Variants in GNAQ observed in about 807,000 individuals in gnomAD.
GNAQ encodes guanine nucleotide-binding protein G(q) subunit alpha.
Under a neutral mutation model 43.9 loss-of-function variants are expected in GNAQ, and 8 were observed. The ratio of observed to expected loss-of-function variants is 0.18; its 90% CI spans 0.11 to 0.33. The LOEUF is 0.33. GNAQ is among the 10% of genes least tolerant of loss of function. The probability of loss-of-function intolerance (pLI) is 1.00; values close to 1 mark genes in which losing one functional copy is unlikely to be tolerated. For missense variants in GNAQ, 158 were observed against 450.8 expected, an observed-to-expected ratio of 0.35 and a Z score of 5.88; for synonymous variants, 155 against 170.7, an observed-to-expected ratio of 0.91 and a Z score of 0.71.
chr9:77,808,736 G>A (rs572470189), intron 3 of GNAQ, among the ~76,000 whole-genome samples: 9 of 152,176 alleles, frequency 5.9e-5, no homozygotes, highest in East Asian at 1.9e-4. Flanking sequence ...CTATGTCTGA[G>A]GAAAGTGACG....
intron 5 of GNAQ, among the ~76,000 whole-genome samples, chr9:77,759,184 G>A (rs1176824821): frequency 1.3e-5 from 2 of 152,120 alleles, no homozygotes; most frequent in African/African-American, 2.4e-5. Flanking sequence ...AACCATCCTG[G>A]CAAATTGTGA....
chr9:77,735,469 A>C (rs1825563314), intron 5 of GNAQ, among the ~76,000 whole-genome samples: 1 of 152,212 alleles, frequency 6.6e-6, no homozygotes, highest in Admixed American at 6.5e-5. Flanking sequence ...AAATAAATGC[A>C]ACAACCCAGA....
chr9:77,824,488 T>C (rs1361298450), intron 2 of GNAQ, among the ~76,000 whole-genome samples: 1 of 152,204 alleles, frequency 6.6e-6, no homozygotes, highest in Non-Finnish European at 1.5e-5. Context: ...AAATAGATTA[T>C]TGCAGCTTGT....
At chr9:77,728,329 G>A (rs2118216505) in intron 6 of GNAQ, among the ~76,000 whole-genome samples, 185 bp downstream of exon 6, 1 of 152,274 alleles carries the variant, frequency 6.6e-6, no homozygotes, top group South Asian at 2.1e-4. Context: ...GCATTGTTAA[G>A]GAATGCAATG....
intron 5 of GNAQ, among the ~76,000 whole-genome samples, chr9:77,733,994 T>G (rs1175677966): frequency 1.3e-5 from 2 of 152,196 alleles, no homozygotes; most frequent in African/African-American, 4.8e-5. Context: ...AAGCTAGCTT[T>G]CTTCAGGCTA....
At chr9:77,812,973 C>T (rs545239062) in intron 3 of GNAQ, among the ~76,000 whole-genome samples, 1 of 151,934 alleles carries the variant, frequency 6.6e-6, no homozygotes, top group East Asian at 1.9e-4. Flanking sequence ...CATGATTGAT[C>T]TCGATCTTGG....
chr9:77,871,192 T>C (rs1828034546), intron 2 of GNAQ, among the ~76,000 whole-genome samples: 1 of 152,228 alleles, frequency 6.6e-6, no homozygotes, highest in Admixed American at 6.5e-5. Flanking sequence ...TTACACATGA[T>C]AGCTAAGGAA....
intron 2 of GNAQ, among the ~76,000 whole-genome samples, chr9:77,906,935 T>C (rs1019321652): frequency 6.6e-6 from 1 of 152,244 alleles, no homozygotes; most frequent in Non-Finnish European, 1.5e-5. Context: ...ATCCAGTGGC[T>C]TTCTCACACA....
At chr9:77,863,175 AAAGAAAGGAAGGAAGGAAGG>A (rs1326685636) in intron 2 of GNAQ, among the ~76,000 whole-genome samples, 1 of 40,964 alleles carries the variant, frequency 2.4e-5, no homozygotes, top group Non-Finnish European at 9.7e-5. Context: ...ACTCCGTATG[AAAGAAAGGAAGGAAGGAAGG>A]AAGGAAGGAA....
intron 1 of GNAQ, among the ~76,000 whole-genome samples, chr9:77,924,266 G>C (rs1334922156): frequency 2.0e-5 from 3 of 152,066 alleles, no homozygotes; most frequent in Admixed American, 2.0e-4. Flanking sequence ...CATCTCTCTA[G>C]TAGAAATAAA....
In GNAQ at chr9:77,761,383, C is replaced by T. The variant is rs1305302947; in HGVS notation, c.736-32716G>A. 1.1e-4 allele frequency among the ~76,000 whole-genome samples: 15 copies of T among 139,464 alleles called. No homozygotes were observed. The South Asian group carries it at 1.2e-3, about 11-fold the overall frequency. The allele number at this position is 139,464 out of a possible 152,430, so 91.5% of individuals were successfully genotyped here. A position where few individuals can be genotyped will look rare whatever the true frequency, so the allele number is the denominator to read the frequency against. On this transcript the variant is annotated intron_variant, in intron 5 of 6. Coordinates refer to ENST00000286548, the MANE Select transcript of GNAQ (RefSeq NM_002072.5). ...CCGGGAGGTGAGGGGCGCCTCTGCC[C>T]GGCCGCCCCTACTGGGAAGTGAGGA...
intron 2 of GNAQ, among the ~76,000 whole-genome samples, chr9:77,830,621 T>C (rs1827283824): frequency 6.6e-6 from 1 of 152,234 alleles, no homozygotes; most frequent in Admixed American, 6.5e-5. Context: ...TTTGTTGTTG[T>C]CATCACAAGG....
intron 3 of GNAQ, among the ~76,000 whole-genome samples, chr9:77,802,273 C>A (rs768414342): frequency 1.3e-5 from 2 of 152,128 alleles, no homozygotes; most frequent in Non-Finnish European, 2.9e-5. Flanking sequence ...TGCAACCCCC[C>A]TCACTCTGGG....
At chr9:77,929,840 A>T (rs914750387) in intron 1 of GNAQ, among the ~76,000 whole-genome samples, 4 of 151,672 alleles carry the variant, frequency 2.6e-5, no homozygotes, top group Non-Finnish European at 5.9e-5. Flanking sequence ...ACACACAAAA[A>T]TTTTTTTTTA....
At chr9:77,851,336 T>C (rs976770655) in intron 2 of GNAQ, among the ~76,000 whole-genome samples, 1 of 152,160 alleles carries the variant, frequency 6.6e-6, no homozygotes, top group Non-Finnish European at 1.5e-5. Flanking sequence ...GTGTAGGACA[T>C]GCCTCCTTCC....
intron 2 of GNAQ, among the ~76,000 whole-genome samples, chr9:77,906,580 A>T (rs922418871): frequency 6.6e-6 from 1 of 152,238 alleles, no homozygotes; most frequent in Non-Finnish European, 1.5e-5. Context: ...ATTAAAAAAA[A>T]TCACTATTTT....
chr9:77,816,727 T>C (rs188461791), intron 2 of GNAQ, among the ~76,000 whole-genome samples: 206 of 152,336 alleles, frequency 1.4e-3, no homozygotes, highest in African/African-American at 4.7e-3. Flanking sequence ...AATCCTGATT[T>C]TGTATAGAAA....
At chr9:77,944,592 A>G (rs1170650114) in intron 1 of GNAQ, among the ~76,000 whole-genome samples, 2 of 152,152 alleles carry the variant, frequency 1.3e-5, no homozygotes, top group African/African-American at 4.8e-5. Flanking sequence ...GACCCCTCAC[A>G]TAACTCTGTG....
intron 1 of GNAQ, among the ~76,000 whole-genome samples, chr9:77,971,715 G>A (rs918956485): frequency 2.6e-5 from 4 of 152,090 alleles, no homozygotes; most frequent in Non-Finnish European, 2.9e-5. Flanking sequence ...TTTGAAAACC[G>A]GCATAAGACA....
Sources: gnomAD v4.1 joint callset for allele counts (sites outside exome capture counted in the v4.1 genomes callset) on GRCh38, gnomAD v4.1.1 for gene constraint, MANE v1.5 for transcripts, NCBI Gene and HGNC (gene_info 2026-07-23, HGNC 2026-07-21) for gene names.